CD300E: variants seen among roughly 807,000 people sequenced by gnomAD.
CD300E encodes the protein CMRF35-like molecule 2.
Under a neutral mutation model 20.9 loss-of-function variants are expected in CD300E, and 14 were observed. That is an observed-to-expected ratio of 0.67 (90% CI 0.44 to 1.05). The LOEUF (loss-of-function observed/expected upper bound fraction) is 1.05. Among genes scored for constraint, CD300E ranks in the 50% least tolerant of loss-of-function variants. The probability of loss-of-function intolerance (pLI) is 0.00; values close to 1 mark genes in which losing one functional copy is unlikely to be tolerated. For synonymous variants in CD300E, 102 were observed against 103.7 expected (o/e 0.98, Z 0.10); for missense variants, 237 against 253.9 (o/e 0.93, Z 0.45).
chr17:74,613,802 CA>C, intron 3 of CD300E, 122 bp downstream of exon 3: 2 of 638,802 alleles, frequency 3.1e-6, no homozygotes, highest in Non-Finnish European at 5.7e-6. Context: ...GTATGAGAAT[CA>C]GGACCAGAGA....
At position 74,617,355 on chromosome 17, in the gene CD300E, G is replaced by C; in HGVS notation, c.151C>G (p.Arg51Gly). The C allele has an allele frequency of 6.2e-7, 1 of 1,614,080 alleles. No homozygotes were observed. Among genetic ancestry groups the C allele is most frequent in the Non-Finnish European group, 8.5e-7 (1 of 1,180,030 alleles). Residue 51 changes from arginine to glycine, a missense_variant, in exon 2 of 4, where the codon CGA becomes GGA. Arg to Gly is a moderately radical substitution (Grantham distance 125). Transcript: ENST00000392619. ...TCACATGACGTGTCGTACTGTCCTC[G>C]GCACCAGTACTTGTTATATCCCTTG... Reference protein sequence around the residue: ...MYKGYNKYWCRGQYDTSCESI... With the variant: ...MYKGYNKYWCGGQYDTSCESI...
rs778036524 is a variant in CD300E, at chr17:74,612,674, C to A, written c.597G>T (p.Gln199His). The change falls in exon 4 of 4, where the codon CAG (glutamine) becomes CAT (histidine). Residue 199 changes from glutamine to histidine, a missense_variant. By Grantham distance (24) the Gln-to-His change is conservative. Transcript: ENST00000392619. ...GGCTCTATCTTCCAGGAGGAGCCCA[C>A]TGAGGCCTGTTCACCCAGAAGACAG... Reference protein sequence around the residue: ...LGAVFWVNRPQWAPPGR With the variant: ...LGAVFWVNRPHWAPPGR 7 of 1,613,682 alleles carry A rather than the reference C, an allele frequency of 4.3e-6. No homozygotes were observed. In the African/African-American group the frequency reaches 9.3e-5, roughly 22 times the overall value.
Position 74,612,682 on chromosome 17 carries a change from T to A in CD300E, c.589A>T (p.Arg197Trp). The stretch of plus-strand genomic sequence containing the variant: ...CTTCCAGGAGGAGCCCACTGAGGCC[T>A]GTTCACCCAGAAGACAGCACCCAGC... ...SMLGAVFWVN[R>W]PQWAPPGR is the part of the protein sequence containing the mutation. The change falls in exon 4 of 4, where the codon AGG (arginine) becomes TGG (tryptophan). Residue 197 changes from arginine to tryptophan, a missense_variant. Coordinates refer to ENST00000392619, the MANE Select transcript of CD300E (RefSeq NM_181449.3). 3 of 1,613,848 alleles carry A rather than the reference T, an allele frequency of 1.9e-6. No homozygotes were observed. Among genetic ancestry groups the A allele is most frequent in the South Asian group, 1.1e-5 (1 of 91,074 alleles).
chr17:74,613,524 G>A (rs528178572), intron 3 of CD300E, among the ~76,000 whole-genome samples: 2 of 152,290 alleles, frequency 1.3e-5, no homozygotes, highest in South Asian at 4.1e-4. Flanking sequence ...CCAGCCTGGA[G>A]CTGGCCCATC....
chr17:74,613,263 T>C (rs968910283), intron 3 of CD300E, among the ~76,000 whole-genome samples: 4 of 152,120 alleles, frequency 2.6e-5, no homozygotes, highest in Non-Finnish European at 4.4e-5. Flanking sequence ...CCACCACACC[T>C]GGCTAATTTT....
At position 74,614,053 on chromosome 17, in the gene CD300E, T is replaced by C. The variant is rs778835441; in HGVS notation, c.389-20A>G. 18 of 1,592,228 alleles carry C rather than the reference T, an allele frequency of 1.1e-5. No homozygotes were observed. Among genetic ancestry groups the C allele is most frequent in the Non-Finnish European group, 1.5e-5 (17 of 1,160,768 alleles). On this transcript the variant is annotated intron_variant, in intron 2 of 3. Transcript: ENST00000392619. ...TAATTGCTGTTGGAGATGAAAATGA[T>C]GCATCAGCCGTGCCTGGGCTCCCAG... is the stretch of plus-strand genomic sequence containing the variant.
rs1476892816 is a variant in CD300E at position 74,617,105 on chromosome 17, G to T, written c.388+13C>A. On this transcript the variant is annotated intron_variant, in intron 2 of 3. Coordinates refer to ENST00000392619, the MANE Select transcript of CD300E (RefSeq NM_181449.3). Reference sequence around the variant, plus strand: ...ACCCCAAACCCTGCTGCCAAAGTGAGGGGAGCTCTTACCTGGGGAAACATA... The same window carrying T: ...ACCCCAAACCCTGCTGCCAAAGTGATGGGAGCTCTTACCTGGGGAAACATA... 2 of 1,610,784 alleles carry T rather than the reference G, an allele frequency of 1.2e-6. No individual in the cohort carries two copies. Among genetic ancestry groups the T allele is most frequent in the African/African-American group, 1.3e-5 (1 of 74,874 alleles).
At chr17:74,619,827 C>A (rs1362390268) in intron 1 of CD300E, among the ~76,000 whole-genome samples, 1 of 152,146 alleles carries the variant, frequency 6.6e-6, no homozygotes, top group African/African-American at 2.4e-5. Flanking sequence ...CCATTCTAAG[C>A]CAAGCAAACA....
chr17:74,617,782 G>T (rs1044703606), intron 1 of CD300E, among the ~76,000 whole-genome samples: 1 of 152,156 alleles, frequency 6.6e-6, no homozygotes. Flanking sequence ...CATGAGATTT[G>T]GTCATATACA....
rs776712708 is a variant in CD300E, at chr17:74,623,591, A to G, written c.31T>C (p.Cys11Arg). The G allele has an allele frequency of 1.2e-6, 2 of 1,614,166 alleles. No individual in the cohort carries two copies. Among genetic ancestry groups the G allele is most frequent in the Non-Finnish European group, 1.7e-6 (2 of 1,180,014 alleles). The part of the protein sequence containing the change: MWLLPALLLL[C>R]LSGCLSLKGP... ...CCACAGCCCCACTCACCTGAGAGGC[A>G]GAGAAGGAGTAGAGCTGGGAGCAGC... is the stretch of plus-strand genomic sequence containing the variant. The change falls in exon 1 of 4, where the codon TGC becomes CGC. Residue 11 changes from cysteine (C) to arginine (R), a missense_variant. Physicochemically the swap from Cys to Arg is radical, Grantham distance 180. Coordinates refer to ENST00000392619, the MANE Select transcript of CD300E (RefSeq NM_181449.3).
chr17:74,613,348 C>T (rs775137268), intron 3 of CD300E, among the ~76,000 whole-genome samples: 3 of 152,228 alleles, frequency 2.0e-5, no homozygotes, highest in Non-Finnish European at 4.4e-5. Flanking sequence ...AGTGATCCAC[C>T]GCCTCGGCCT....
rs924894448 is a variant in CD300E, at chr17:74,610,528, C to T, written c.*2125G>A. 6.6e-6 allele frequency: 1 copy of T among 152,254 alleles called. No homozygotes were observed. The highest frequency in any genetic ancestry group is 2.4e-5 in the African/African-American group (1 of 41,452). The allele number at this position is 152,254 out of a possible 1,614,324, so 9.4% of individuals were successfully genotyped here. On this transcript the variant is annotated 3_prime_UTR_variant, in exon 4 of 4. Transcript: ENST00000392619. ...TACTTCTGTCAATGATGCCCGATTC[C>T]TCTGGTTTTCCAGGCTTAAGACTCC...
intron 1 of CD300E, among the ~76,000 whole-genome samples, chr17:74,622,074 G>A (rs886438642): frequency 6.6e-6 from 1 of 151,916 alleles, no homozygotes; most frequent in East Asian, 2.0e-4. Context: ...AAAGCACTGG[G>A]ATTACAGGTG....
chr17:74,618,875 G>A (rs2143367395), intron 1 of CD300E, among the ~76,000 whole-genome samples: 1 of 151,282 alleles, frequency 6.6e-6, no homozygotes, highest in South Asian at 2.1e-4. Flanking sequence ...TTCCCGCTCT[G>A]TGCTCCCTTG....
In CD300E at chr17:74,612,761, G is replaced by A. The variant is rs142561295; in HGVS notation, c.510C>T (p.Ser170=). The A allele has an allele frequency of 7.4e-6, 12 of 1,613,820 alleles. No individual in the cohort carries two copies. The highest frequency in any genetic ancestry group is 4.0e-5 in the African/African-American group (3 of 75,034). The change falls in exon 4 of 4, where the codon AGC becomes AGT. Residue 170 remains serine, a synonymous_variant. Coordinates refer to ENST00000392619, the MANE Select transcript of CD300E (RefSeq NM_181449.3). Reference sequence around the variant, plus strand: ...GGACCACGAGCAGGAAGTGAGGGCTGCTGAGCCGGAACCTGTGGTGGACAC... The same window carrying A: ...GGACCACGAGCAGGAAGTGAGGGCTACTGAGCCGGAACCTGTGGTGGACAC... ...VLTQNSGFRL[S]SPHFLLVVLL...
At chr17:74,613,441 C>T (rs1199516614) in intron 3 of CD300E, among the ~76,000 whole-genome samples, 1 of 152,218 alleles carries the variant, frequency 6.6e-6, no homozygotes, top group Non-Finnish European at 1.5e-5. Context: ...TGTTCCCTCC[C>T]CTCAGGGTCT....
chr17:74,615,090 C>T (rs1032128089), intron 2 of CD300E, among the ~76,000 whole-genome samples: 2 of 152,220 alleles, frequency 1.3e-5, no homozygotes, highest in South Asian at 2.1e-4. Flanking sequence ...GGACTCACTT[C>T]CGCTGGAAGC....
At chr17:74,618,434 G>C (rs1450930498) in intron 1 of CD300E, among the ~76,000 whole-genome samples, 1 of 152,202 alleles carries the variant, frequency 6.6e-6, no homozygotes, top group Non-Finnish European at 1.5e-5. Flanking sequence ...TTCACAATAA[G>C]AGGATGAATA....
In CD300E at chr17:74,617,438, G is replaced by C. The variant is rs1450746646; in HGVS notation, c.68C>G (p.Ser23Cys). ...AGAGTCCCCCGCAGTGCCAGTCACA[G>C]AGCCGGGGCCCTTCAGAGACAAACA... Reference protein sequence around the residue: ...SGCLSLKGPGSVTGTAGDSLT... With the variant: ...SGCLSLKGPGCVTGTAGDSLT... The change falls in exon 2 of 4, where the codon TCT (serine) becomes TGT (cysteine). Residue 23 changes from serine to cysteine, a missense_variant. Transcript: ENST00000392619. 1.9e-6 allele frequency: 3 copies of C among 1,613,578 alleles called. No individual in the cohort carries two copies. The highest frequency in any genetic ancestry group is 2.5e-6 in the Non-Finnish European group (3 of 1,179,988).
Sources: allele counts gnomAD v4.1 joint callset (sites outside exome capture counted in the v4.1 genomes callset), GRCh38; gene constraint gnomAD v4.1.1; transcripts MANE v1.5; gene names NCBI Gene and HGNC (gene_info 2026-07-23, HGNC 2026-07-21).